WDR33: variants seen among roughly 807,000 people sequenced by gnomAD.
The protein encoded by WDR33 is WD repeat domain 33, also known as pre-mRNA 3' end processing protein WDR33.
WDR33 carries 47 observed loss-of-function variants against 164.9 expected under a neutral mutation model. That is an observed-to-expected ratio of 0.29 (90% CI 0.23 to 0.36). The LOEUF (loss-of-function observed/expected upper bound fraction) is 0.36, where lower values mean the gene tolerates loss of function less well. Among genes scored for constraint, WDR33 ranks in the 10% least tolerant of loss-of-function variants. The pLI is 1.00. For synonymous variants in WDR33, 505 were observed against 589.0 expected (o/e 0.86, Z 2.06); for missense variants, 1,137 against 1,754.1 (o/e 0.65, Z 6.28).
intron 1 of WDR33, among the ~76,000 whole-genome samples, chr2:127,788,381 C>T (rs1490056784): frequency 5.2e-5 from 6 of 114,720 alleles, no homozygotes; most frequent in African/African-American, 1.9e-4. Context: ...CGGGCAGAGG[C>T]GCTCCTCACC....
intron 7 of WDR33, among the ~76,000 whole-genome samples, chr2:127,760,369 T>C (rs981543642): frequency 7.9e-5 from 12 of 152,352 alleles, no homozygotes; most frequent in Middle Eastern, 3.4e-3. Flanking sequence ...GCGTGTTACA[T>C]GAACATCATC....
intron 1 of WDR33, among the ~76,000 whole-genome samples, chr2:127,802,847 GGTGCGCACTTGT>G (rs1689300221): frequency 6.6e-6 from 1 of 151,954 alleles, no homozygotes; most frequent in Non-Finnish European, 1.5e-5. Context: ...CAGGCATGGT[GGTGCGCACTTGT>G]CGTTCCAGCT....
intron 1 of WDR33, among the ~76,000 whole-genome samples, chr2:127,800,636 C>CAA (rs35733292): frequency 2.3e-4 from 22 of 95,578 alleles, no homozygotes; most frequent in Admixed American, 6.4e-4. Context: ...GACTCCGTCT[C>CAA]AAAAAAAAAA....
rs367569699 is a variant in WDR33 at position 127,768,231 on chromosome 2, C to G, written c.336G>C (p.Arg112=). 1.3e-6 allele frequency: 2 copies of G among 1,582,870 alleles called. No homozygotes were observed. The highest frequency in any genetic ancestry group is 2.7e-5 in the African/African-American group (2 of 74,368). The change falls in exon 4 of 22, where the codon CGG becomes CGC. Residue 112 remains arginine, a synonymous_variant. Transcript: ENST00000322313. ...PMNAVTTKFV[R]TSTNKVKCPV... The stretch of plus-strand genomic sequence containing the variant: ...GACACTTTACTTTATTTGTTGATGT[C>G]CGAACAAATTTTGTTGTTACTGCAT...
At position 127,724,472 on chromosome 2, in the gene WDR33, G is replaced by A. The variant is rs375904746; in HGVS notation, c.1086-29C>T. ...CAACAGCACCAAAGAGAGAAGATTT[G>A]TTCACAAAAGTTACCCAGCTTCTCC... On this transcript the variant is annotated intron_variant, in intron 10 of 21. Transcript: ENST00000322313. The surrounding 1 kb of genome is among the most constrained non-coding windows in gnomAD (Gnocchi z 4.8). 16 of 1,587,540 alleles carry A rather than the reference G, an allele frequency of 1.0e-5. No homozygotes were observed. The African/African-American group carries it at 2.0e-4, about 20-fold the overall frequency.
intron 7 of WDR33, among the ~76,000 whole-genome samples, chr2:127,744,318 T>C (rs1244579009): frequency 2.0e-5 from 3 of 152,192 alleles, no homozygotes; most frequent in Non-Finnish European, 4.4e-5. Context: ...TGCACAACTG[T>C]GTCTTGGCAA....
At chr2:127,806,146 ATAT>A (rs1291193095) in intron 1 of WDR33, among the ~76,000 whole-genome samples, 10 of 151,572 alleles carry the variant, frequency 6.6e-5, no homozygotes, top group African/African-American at 2.4e-4. Context: ...TAAATAAAAA[ATAT>A]TAATAAAATA....
chr2:127,778,131 C>CA (rs1688247734), intron 1 of WDR33, among the ~76,000 whole-genome samples: 1 of 151,752 alleles, frequency 6.6e-6, no homozygotes, highest in Non-Finnish European at 1.5e-5. Context: ...CCCATCTCTG[C>CA]AAAAAAATTT....
At chr2:127,794,715 T>C (rs944158668) in intron 1 of WDR33, among the ~76,000 whole-genome samples, 1 of 150,268 alleles carries the variant, frequency 6.7e-6, no homozygotes, top group African/African-American at 2.5e-5. Flanking sequence ...GCAACTGTAG[T>C]TCCAGCTACT....
At chr2:127,766,163 C>T (rs576729024) in intron 4 of WDR33, among the ~76,000 whole-genome samples, 2 of 151,726 alleles carry the variant, frequency 1.3e-5, no homozygotes, top group East Asian at 3.9e-4. Context: ...TTTGTTTTTA[C>T]TTTTTATTTT....
In WDR33 at chr2:127,790,695, C is replaced by T. The variant is rs541331691; in HGVS notation, c.-23-19691G>A. On this transcript the variant is annotated intron_variant, in intron 1 of 21. Coordinates refer to ENST00000322313, the MANE Select transcript of WDR33 (RefSeq NM_018383.5). ...AGAGGACCACAGTTCACTGCAGCCT[C>T]GAACTCCTGGGCTCAAGCGATCCTC... Among the ~76,000 whole-genome samples the T allele has an allele frequency of 5.5e-4, 84 of 152,252 alleles. 3 individuals carry two copies. In the South Asian group the frequency reaches 0.016, roughly 29 times the overall value.
chr2:127,727,587 T>C (rs1194361464), intron 7 of WDR33, among the ~76,000 whole-genome samples: 2 of 152,140 alleles, frequency 1.3e-5, no homozygotes, highest in Non-Finnish European at 2.9e-5. Context: ...CAAGGATGGT[T>C]ACTTCAGTAA....
At chr2:127,775,162 T>G (rs1279288327) in intron 1 of WDR33, among the ~76,000 whole-genome samples, 1 of 152,070 alleles carries the variant, frequency 6.6e-6, no homozygotes, top group East Asian at 1.9e-4. Flanking sequence ...TTATCTCAAT[T>G]AAAGAATAAT....
rs1573885077 is a variant in WDR33, at chr2:127,719,599, T to C, written c.2426A>G (p.Glu809Gly). 1 of 1,613,822 alleles carries C rather than the reference T, an allele frequency of 6.2e-7. No individual in the cohort carries two copies. Residue 809 changes from glutamate to glycine, a missense_variant, in exon 16 of 22, where the codon GAG (glutamate) becomes GGG (glycine). Physicochemically the swap from Glu to Gly is moderately conservative, Grantham distance 98. This residue lies in a region of WDR33 where 867 missense variants were observed against 1,073.0 expected (regional missense o/e 0.81). Transcript: ENST00000322313. This position sits in a 1 kb window ranked among gnomAD's most constrained non-coding sequence, Gnocchi z 6.5. ...QGMIMGHPPQ[E>G]MRGPHPPGGL... Reference sequence around the variant, plus strand: ...ACCTGGAGGGTGAGGTCCTCTCATCTCTTGAGGCGGGTGGCCCATAATCAT... The same window carrying C: ...ACCTGGAGGGTGAGGTCCTCTCATCCCTTGAGGCGGGTGGCCCATAATCAT...
chr2:127,764,632 C>T lies in WDR33; in HGVS notation c.626+196G>A, dbSNP rs371575595. ...CTCTAACATATTGCAAAGGCTGATA[C>T]CGGGACAACACTACTTCAGAAAGGT... On this transcript the variant is annotated intron_variant, in intron 6 of 21. Transcript: ENST00000322313. This position sits in a 1 kb window ranked among gnomAD's most constrained non-coding sequence, Gnocchi z 6.2. 307 of 1,556,050 alleles carry T rather than the reference C, an allele frequency of 2.0e-4. 2 individuals are homozygous for T. In the African/African-American group the frequency reaches 3.5e-3, roughly 18 times the overall value.
rs1414405586 is a variant in WDR33 at position 127,738,466 on chromosome 2, G to A, written c.725-11689C>T. On this transcript the variant is annotated intron_variant, in intron 7 of 21. Transcript: ENST00000322313. The surrounding 1 kb of genome is among the most constrained non-coding windows in gnomAD (Gnocchi z 4.4). ...TGTAATGCTCCACTCCTTAAGTGTGGGCTATATATTAATATTATGACTTCA... is the reference window on the plus strand; with the variant it reads ...TGTAATGCTCCACTCCTTAAGTGTGAGCTATATATTAATATTATGACTTCA... Among the ~76,000 whole-genome samples the A allele has an allele frequency of 6.6e-6, 1 of 151,974 alleles. No individual in the cohort carries two copies. The highest frequency in any genetic ancestry group is 6.6e-5 in the Admixed American group (1 of 15,260).
In WDR33 at chr2:127,764,519, C is replaced by T. The variant is rs774862058; in HGVS notation, c.626+309G>A. 19 of 1,519,892 alleles carry T rather than the reference C, an allele frequency of 1.3e-5. No homozygotes were observed. The African/African-American group carries it at 2.7e-4, about 21-fold the overall frequency. 94.2% of individuals were successfully genotyped at this position (1,519,892 alleles called of 1,614,324 possible). The stretch of plus-strand genomic sequence containing the variant: ...TGGAATGAAATATTCTTGTCTTACA[C>T]AGTAGATAATAAAAAGGAATAACGT... On this transcript the variant is annotated intron_variant, in intron 6 of 21. Transcript: ENST00000322313. This position sits in a 1 kb window ranked among gnomAD's most constrained non-coding sequence, Gnocchi z 6.2.
intron 8 of WDR33, among the ~76,000 whole-genome samples, chr2:127,725,549 C>A (rs1157282129): frequency 6.6e-6 from 1 of 152,138 alleles, no homozygotes; most frequent in Non-Finnish European, 1.5e-5. Flanking sequence ...GCCTGGCCAA[C>A]ATGGTGAAAC....
At position 127,811,146 on chromosome 2, in the gene WDR33, C is replaced by T. The variant is rs1405290988; in HGVS notation, c.-158G>A. The T allele has an allele frequency of 6.5e-6, 1 of 152,856 alleles. No homozygotes were observed. The highest frequency in any genetic ancestry group is 2.4e-5 in the African/African-American group (1 of 41,484). The allele number at this position is 152,856 out of a possible 1,614,324, so 9.5% of individuals were successfully genotyped here. A position where few individuals can be genotyped will look rare whatever the true frequency, so the allele number is the denominator to read the frequency against. The stretch of plus-strand genomic sequence containing the variant: ...TCCAAAGGAGCAGCCGCCATCTTCC[C>T]CTATGGGCCACCGAACGCACGCTCT... On this transcript the variant is annotated 5_prime_UTR_variant, in exon 1 of 22. Transcript: ENST00000322313. This position sits in a 1 kb window ranked among gnomAD's most constrained non-coding sequence, Gnocchi z 4.1.
Sources: gnomAD v4.1 joint callset for allele counts (sites outside exome capture counted in the v4.1 genomes callset) on GRCh38, gnomAD v4.1.1 for gene constraint, gnomAD v4.1.1 regional missense constraint, Gnocchi (gnomAD v3.1) non-coding constraint, MANE v1.5 for transcripts, NCBI Gene and HGNC (gene_info 2026-07-23, HGNC 2026-07-21) for gene names.